DPF3: variants seen among roughly 807,000 people sequenced by gnomAD.
The protein encoded by DPF3 is zinc finger protein DPF3.
Under a neutral mutation model 56.8 loss-of-function variants are expected in DPF3, and 18 were observed. The observed-to-expected ratio is 0.32, with a 90% confidence interval of 0.22 to 0.47. DPF3 has a LOEUF of 0.47. Among genes scored for constraint, DPF3 ranks in the 20% least tolerant of loss-of-function variants. The probability of loss-of-function intolerance (pLI) is 1.00; values close to 1 mark genes in which losing one functional copy is unlikely to be tolerated. For synonymous variants in DPF3, 188 were observed against 180.2 expected (o/e 1.04, Z -0.35); for missense variants, 403 against 488.8 (o/e 0.82, Z 1.65).
chr14:72,886,084 CT>C (rs1442832865), intron 1 of DPF3, among the ~76,000 whole-genome samples: 10 of 152,094 alleles, frequency 6.6e-5, no homozygotes, highest in African/African-American at 2.4e-4. Context: ...TGAAAAGGGT[CT>C]GGGCAGCTGG....
Position 72,714,501 on chromosome 14 carries a change from C to T in DPF3, c.526G>A (p.Ala176Thr). ...CTCCTGCCCCCTGCAGAGCCGCGAG[C>T]CTGGGGAGACATTGGGGTACAGGAT... Reference protein sequence around the residue: ...PKRKNRTRGRARGSAGGRRRH... With the variant: ...PKRKNRTRGRTRGSAGGRRRH... The change falls in exon 6 of 11, where the codon GCT becomes ACT. Residue 176 changes from alanine (A) to threonine (T), a missense_variant and splice_region_variant. Ala to Thr is a moderately conservative substitution (Grantham distance 58). Transcript: ENST00000556509. 6.2e-7 allele frequency: 1 copy of T among 1,613,694 alleles called. No homozygotes were observed. Among genetic ancestry groups the T allele is most frequent in the Non-Finnish European group, 8.5e-7 (1 of 1,179,720 alleles).
chr14:72,761,684 A>C (rs895732912), intron 2 of DPF3, among the ~76,000 whole-genome samples: 40 of 151,894 alleles, frequency 2.6e-4, no homozygotes, highest in African/African-American at 8.9e-4. Context: ...TAAAAAATTA[A>C]AAGAAATAAG....
rs527529718 is a variant in DPF3 at position 72,615,998 on chromosome 14, C to T, written c.*3299G>A. Reference sequence around the variant, plus strand: ...TCCTGGCTGTTCCCAGCATTTGAGCCGGAAGACAACCACATCATTATCTCC... The same window carrying T: ...TCCTGGCTGTTCCCAGCATTTGAGCTGGAAGACAACCACATCATTATCTCC... On this transcript the variant is annotated 3_prime_UTR_variant, in exon 11 of 11. Coordinates refer to ENST00000556509, the MANE Select transcript of DPF3 (RefSeq NM_001280542.3). Among the ~76,000 whole-genome samples, 12 of 152,144 alleles carry T rather than the reference C, an allele frequency of 7.9e-5. No homozygotes were observed. Among genetic ancestry groups the T allele is most frequent in the Non-Finnish European group, 1.8e-4 (12 of 68,026 alleles).
chr14:72,636,108 T>G (rs1885374292), intron 8 of DPF3, among the ~76,000 whole-genome samples: 1 of 152,216 alleles, frequency 6.6e-6, no homozygotes, highest in African/African-American at 2.4e-5. Context: ...TTCTGATGCT[T>G]GGTTTACAGA....
chr14:72,740,949 C>T (rs2139875001), intron 3 of DPF3, among the ~76,000 whole-genome samples: 1 of 152,232 alleles, frequency 6.6e-6, no homozygotes, highest in Admixed American at 6.5e-5. Context: ...TGCCTGAATT[C>T]CCAGCTACTC....
rs1438600881 is a variant in DPF3 at position 72,873,824 on chromosome 14, C to CA, written c.32+20232dup. Among the ~76,000 whole-genome samples the CA allele has an allele frequency of 2.0e-5, 3 of 147,124 alleles. No individual in the cohort carries two copies. In the East Asian group the frequency reaches 6.2e-4, roughly 30 times the overall value. On this transcript the variant is annotated intron_variant, in intron 1 of 10. Transcript: ENST00000556509. ...CATTCTCAGCAAACTATCACAAGGA[C>CA]AAAAAACCAAACACCACATGTTCTC...
chr14:72,853,392 A>AT (rs1400193962), intron 1 of DPF3: 5 of 144,542 alleles, frequency 3.5e-5, no homozygotes, highest in Non-Finnish European at 6.0e-5. Context: ...AAGATCATCT[A>AT]TTTTTTCCCC....
chr14:72,696,907 G>T (rs1277779748), intron 6 of DPF3, among the ~76,000 whole-genome samples: 1 of 152,224 alleles, frequency 6.6e-6, no homozygotes, highest in Non-Finnish European at 1.5e-5. Flanking sequence ...CCCTCTAGGT[G>T]ATTCTGATGC....
chr14:72,851,813 G>T (rs561517707), intron 1 of DPF3, among the ~76,000 whole-genome samples: 2 of 152,332 alleles, frequency 1.3e-5, no homozygotes, highest in African/African-American at 4.8e-5. Flanking sequence ...ACGGGCAACG[G>T]GTAGGCAACC....
intron 1 of DPF3, among the ~76,000 whole-genome samples, chr14:72,801,206 A>C (rs965600792): frequency 1.2e-4 from 19 of 152,206 alleles, no homozygotes; most frequent in Non-Finnish European, 2.4e-4. Context: ...GAAGCTACAG[A>C]GGATGCAGGC....
intron 1 of DPF3, 135 bp downstream of exon 1, chr14:72,893,922 G>T: frequency 2.1e-6 from 2 of 960,580 alleles, no homozygotes; most frequent in Non-Finnish European, 3.2e-6. Context: ...AGTAAGAGCT[G>T]AAAGAAGAGA....
intron 1 of DPF3, among the ~76,000 whole-genome samples, chr14:72,825,003 T>C (rs1032439777): frequency 6.6e-5 from 10 of 152,140 alleles, no homozygotes; most frequent in African/African-American, 1.7e-4. Flanking sequence ...TTCTCTTGCC[T>C]CAACCTCCCA....
At chr14:72,807,842 A>G (rs1482571023) in intron 1 of DPF3, among the ~76,000 whole-genome samples, 1 of 152,112 alleles carries the variant, frequency 6.6e-6, no homozygotes, top group African/African-American at 2.4e-5. Flanking sequence ...TGGCACATAC[A>G]TAGTCCTAGC....
At chr14:72,843,360 CT>C (rs1377651821) in intron 1 of DPF3, among the ~76,000 whole-genome samples, 1 of 151,892 alleles carries the variant, frequency 6.6e-6, no homozygotes, top group East Asian at 1.9e-4. Context: ...TAAAAAAAAA[CT>C]TGTTTTGAAT....
At chr14:72,770,781 A>G (rs1168598589) in intron 2 of DPF3, among the ~76,000 whole-genome samples, 3 of 152,252 alleles carry the variant, frequency 2.0e-5, no homozygotes, top group African/African-American at 7.2e-5. Context: ...GCAGAGCCAG[A>G]AAAATCACAT....
chr14:72,800,307 A>G (rs1463142585), intron 1 of DPF3, among the ~76,000 whole-genome samples: 1 of 152,094 alleles, frequency 6.6e-6, no homozygotes, highest in Admixed American at 6.5e-5. Flanking sequence ...CCATTTCCTC[A>G]TTTACTTTAC....
At chr14:72,715,656 T>C (rs916554506) in intron 5 of DPF3, among the ~76,000 whole-genome samples, 4 of 151,808 alleles carry the variant, frequency 2.6e-5, no homozygotes, top group African/African-American at 9.7e-5. Context: ...ACACACTCCA[T>C]GTACACACTC....
chr14:72,746,652 T>A (rs942046487), intron 3 of DPF3, among the ~76,000 whole-genome samples: 2 of 152,194 alleles, frequency 1.3e-5, no homozygotes, highest in Non-Finnish European at 2.9e-5. Flanking sequence ...GGAACCCAAC[T>A]TTTCCCCCGA....
At chr14:72,657,554 G>C (rs915544373) in intron 8 of DPF3, among the ~76,000 whole-genome samples, 4 of 152,154 alleles carry the variant, frequency 2.6e-5, no homozygotes, top group Admixed American at 6.5e-5. Context: ...ATCATGAAAT[G>C]CATCAGTAGC....
Sources: gnomAD v4.1 joint callset for allele counts (sites outside exome capture counted in the v4.1 genomes callset) on GRCh38, gnomAD v4.1.1 for gene constraint, MANE v1.5 for transcripts, NCBI Gene and HGNC (gene_info 2026-07-23, HGNC 2026-07-21) for gene names.